The following LAP3 variants were observed in gnomAD, a reference collection of about 807,000 sequenced individuals.
The protein encoded by LAP3 is leucine aminopeptidase 3, also known as cytosol aminopeptidase.
LAP3 carries 46 observed loss-of-function variants against 58.8 expected under a neutral mutation model. That is an observed-to-expected ratio of 0.78 (90% CI 0.62 to 1.00). The LOEUF (loss-of-function observed/expected upper bound fraction) is 1.00. LAP3 is among the 50% of genes least tolerant of loss of function. The pLI, the probability that LAP3 is intolerant of heterozygous loss-of-function variation, is 0.00. For missense variants in LAP3, 615 were observed against 659.1 expected (o/e 0.93, Z 0.73); for synonymous variants, 257 against 237.7 (o/e 1.08, Z -0.75).
At chr4:17,595,268 G>C (rs1437040562) in intron 7 of LAP3, 142 bp from the exon 8 acceptor site, 1 of 787,936 alleles carries the variant, frequency 1.3e-6, no homozygotes, top group African/African-American at 1.8e-5. Context: ...TCGATCTCCT[G>C]ACCTCGTGAT....
intron 4 of LAP3, 136 bp from the exon 5 acceptor site, chr4:17,583,347 T>G (rs1322628029): frequency 3.4e-6 from 3 of 877,084 alleles, no homozygotes; most frequent in African/African-American, 1.7e-5. Context: ...GAAATGAGGC[T>G]CAGAACATTC....
chr4:17,577,418 C>T lies in LAP3; in HGVS notation c.-48C>T, dbSNP rs984771112. On this transcript the variant is annotated 5_prime_UTR_variant, in exon 1 of 13. Coordinates refer to ENST00000226299, the MANE Select transcript of LAP3 (RefSeq NM_015907.3). ...CGCCCCAAGGCGCGCCCGCCCACCG[C>T]TCTCCACGTGCTCGCTGGAGGGCGG... is the stretch of plus-strand genomic sequence containing the variant. The T allele has an allele frequency of 1.8e-5, 26 of 1,437,294 alleles. No homozygotes were observed. Among genetic ancestry groups the T allele is most frequent in the South Asian group, 3.9e-5 (3 of 76,952 alleles). The allele number at this position is 1,437,294 out of a possible 1,614,324, so 89.0% of individuals were successfully genotyped here.
intron 7 of LAP3, among the ~76,000 whole-genome samples, chr4:17,589,434 C>G (rs1713620522): frequency 6.6e-6 from 1 of 152,104 alleles, no homozygotes. Flanking sequence ...ATGCTACCAC[C>G]TCTAAAATGC....
Position 17,607,526 on chromosome 4 carries a change from G to A in LAP3, c.1497G>A (p.Met499Ile), listed in dbSNP as rs1714172991. 1 of 1,613,980 alleles carries A rather than the reference G, an allele frequency of 6.2e-7. No homozygotes were observed. The highest frequency in any genetic ancestry group is 1.3e-5 in the African/African-American group (1 of 74,936). The change falls in exon 13 of 13, where the codon ATG becomes ATA. Residue 499 changes from methionine (M) to isoleucine (I), a missense_variant. By Grantham distance (10) the Met-to-Ile change is conservative (BLOSUM62 1). Transcript: ENST00000226299. ...AAGTTCCCTATCTACGGAAAGGCATGACTGGGAGGCCCACAAGGACTCTCA... is the reference window on the plus strand; with the variant it reads ...AAGTTCCCTATCTACGGAAAGGCATAACTGGGAGGCCCACAAGGACTCTCA... ...KDEVPYLRKG[M>I]TGRPTRTLIE...
In LAP3 at chr4:17,596,355, T is replaced by G. The variant is rs181182025; in HGVS notation, c.989-691T>G. ...GGTTTTTTTGGTTTTTTGGTTTTTT[T>G]TGAGATGGAGTTTCGCTCTTGTTGC... On this transcript the variant is annotated intron_variant, in intron 8 of 12. Transcript: ENST00000226299. Among the ~76,000 whole-genome samples the G allele has an allele frequency of 1.1e-3, 171 of 152,312 alleles. 1 individual carries two copies. Among genetic ancestry groups the G allele is most frequent in the African/African-American group, 3.6e-3 (151 of 41,570 alleles).
chr4:17,601,486 G>A (rs1247708718), intron 10 of LAP3, among the ~76,000 whole-genome samples: 1 of 151,988 alleles, frequency 6.6e-6, no homozygotes, highest in Non-Finnish European at 1.5e-5. Context: ...TGACTCTTAG[G>A]GGGTTGACTG....
chr4:17,593,637 T>C (rs552002252), intron 7 of LAP3, among the ~76,000 whole-genome samples: 141 of 107,064 alleles, frequency 1.3e-3, no homozygotes, highest in African/African-American at 4.5e-3. Flanking sequence ...TTTGAGACAG[T>C]GTCTCACTCT....
intron 7 of LAP3, among the ~76,000 whole-genome samples, chr4:17,589,255 T>A (rs1713615336): frequency 6.6e-6 from 1 of 151,922 alleles, no homozygotes; most frequent in Admixed American, 6.6e-5. Context: ...GAGATGGGGT[T>A]TTGCCGTGTT....
chr4:17,591,199 C>T (rs1046830660), intron 7 of LAP3, among the ~76,000 whole-genome samples: 1 of 152,170 alleles, frequency 6.6e-6, no homozygotes, highest in South Asian at 2.1e-4. Flanking sequence ...GCCTGAGCCT[C>T]CCGAGTAGCT....
At chr4:17,580,848 A>G (rs955082631) in intron 2 of LAP3, among the ~76,000 whole-genome samples, 1 of 152,240 alleles carries the variant, frequency 6.6e-6, no homozygotes, top group African/African-American at 2.4e-5. Flanking sequence ...GGAAGTATCC[A>G]TGTAAACCAC....
chr4:17,581,719 C>A (rs1560341328), intron 2 of LAP3, 41 bp from the exon 3 acceptor site: 2 of 1,558,784 alleles, frequency 1.3e-6, no homozygotes, highest in African/African-American at 1.4e-5. Context: ...GTGAACCGAG[C>A]AAAATACTTG....
At position 17,588,964 on chromosome 4, in the gene LAP3, A is replaced by G. The variant is rs778487994; in HGVS notation, c.850A>G (p.Ile284Val). ...EPPLVFVGKGITFDSGGISIK... is the reference protein window; with the variant it reads ...EPPLVFVGKGVTFDSGGISIK... ...ACCCCTGGTGTTTGTTGGGAAAGGA[A>G]TTACCTTTGACAGGTATTTTTTATG... Residue 284 changes from isoleucine to valine, a missense_variant, in exon 7 of 13, where the codon ATT becomes GTT. Physicochemically the swap from Ile to Val is conservative, Grantham distance 29. Transcript: ENST00000226299. 19 of 1,613,786 alleles carry G rather than the reference A, an allele frequency of 1.2e-5. No homozygotes were observed. Among genetic ancestry groups the G allele is most frequent in the Non-Finnish European group, 1.5e-5 (18 of 1,179,932 alleles).
chr4:17,605,111 C>T (rs994375412), intron 11 of LAP3, among the ~76,000 whole-genome samples: 27 of 126,534 alleles, frequency 2.1e-4, no homozygotes, highest in African/African-American at 8.0e-4. Context: ...AGCAGTCACC[C>T]TCACTTCCAC....
intron 2 of LAP3, among the ~76,000 whole-genome samples, chr4:17,580,481 A>G (rs1486786143): frequency 1.3e-5 from 2 of 151,868 alleles, no homozygotes; most frequent in East Asian, 2.0e-4. Flanking sequence ...TTCCAGCCCA[A>G]TCAGAAATCT....
intron 7 of LAP3, among the ~76,000 whole-genome samples, chr4:17,589,897 T>C (rs1302166149): frequency 6.6e-6 from 1 of 152,340 alleles, no homozygotes; most frequent in East Asian, 1.9e-4. Context: ...TTACTTCTTT[T>C]AGCTGACCAG....
rs1713808898 is a variant in LAP3 at position 17,595,541 on chromosome 4, G to A, written c.988+7G>A. On this transcript the variant is annotated splice_region_variant and intron_variant, in intron 8 of 12. Transcript: ENST00000226299. Reference sequence around the variant, plus strand: ...TTGCCCATTAATATTATAGGTAAGTGGGGTAACGGATTACATCTCATAACG... The same window carrying A: ...TTGCCCATTAATATTATAGGTAAGTAGGGTAACGGATTACATCTCATAACG... 6.2e-7 allele frequency: 1 copy of A among 1,613,404 alleles called. No homozygotes were observed. Among genetic ancestry groups the A allele is most frequent in the African/African-American group, 1.3e-5 (1 of 74,898 alleles).
At position 17,602,871 on chromosome 4, in the gene LAP3, G is replaced by A. The variant is rs539621929; in HGVS notation, c.1181-1717G>A. Among the ~76,000 whole-genome samples the A allele has an allele frequency of 1.1e-3, 167 of 151,730 alleles. 1 individual carries two copies. Among genetic ancestry groups the A allele is most frequent in the African/African-American group, 3.5e-3 (147 of 41,422 alleles). ...GGATTTTTGTATTTTTAGTAGAGAC[G>A]GGGTTTCACAGTGTTGGTCAGGCTG... On this transcript the variant is annotated intron_variant, in intron 10 of 12. Transcript: ENST00000226299.
intron 10 of LAP3, among the ~76,000 whole-genome samples, chr4:17,602,105 C>T (rs947651805): frequency 3.3e-5 from 5 of 152,170 alleles, no homozygotes; most frequent in Non-Finnish European, 7.4e-5. Context: ...AGATTGCCCC[C>T]AGTTTCAGTG....
In LAP3 at chr4:17,606,842, CAG is replaced by C. The variant is rs759683766; in HGVS notation, c.1275_1276del (p.Asp427ProfsTer22). ...CCTGTTCTCTAGGCCAGCATTGAAACAGGGGACCGTGTCTGGAGGATGCCTCT... is the reference window on the plus strand; with the variant it reads ...CCTGTTCTCTAGGCCAGCATTGAAACGGGACCGTGTCTGGAGGATGCCTCT... On this transcript the variant is annotated frameshift_variant, in exon 12 of 13. Coordinates refer to ENST00000226299, the MANE Select transcript of LAP3 (RefSeq NM_015907.3). LOFTEE classifies it high-confidence loss of function. 20 of 1,611,252 alleles carry C rather than the reference CAG, an allele frequency of 1.2e-5. No individual in the cohort carries two copies. Among genetic ancestry groups the C allele is most frequent in the East Asian group, 4.5e-5 (2 of 44,860 alleles).
Sources: gnomAD v4.1 joint callset for allele counts (sites outside exome capture counted in the v4.1 genomes callset) on GRCh38, gnomAD v4.1.1 for gene constraint, MANE v1.5 for transcripts, NCBI Gene and HGNC (gene_info 2026-07-23, HGNC 2026-07-21) for gene names.